Variants in ZMAT4 observed in about 807,000 individuals in gnomAD.
The protein encoded by ZMAT4 is zinc finger matrin-type 4, also known as zinc finger matrin-type protein 4.
ZMAT4 carries 17 observed loss-of-function variants against 28.7 expected under a neutral mutation model. The ratio of observed to expected loss-of-function variants is 0.59; its 90% confidence interval spans 0.41 to 0.89. The LOEUF (loss-of-function observed/expected upper bound fraction) is 0.89, where lower values mean the gene tolerates loss of function less well. Ranked by LOEUF, ZMAT4 falls within the 40% of genes least tolerant of loss-of-function variation. ZMAT4 has a pLI of 0.00. For synonymous variants in ZMAT4, 117 were observed against 109.2 expected (o/e 1.07, Z -0.44); for missense variants, 240 against 283.8 (o/e 0.85, Z 1.11).
intron 4 of ZMAT4, among the ~76,000 whole-genome samples, chr8:40,675,721 C>G (rs17640981): frequency 0.13 from 19,775 of 152,140 alleles, 1,304 homozygotes; most frequent in East Asian, 0.18. Context: ...CTTTTGGTGA[C>G]ATGGGTTGCA....
chr8:40,734,548 G>A (rs1026976419), intron 3 of ZMAT4, among the ~76,000 whole-genome samples: 1 of 152,220 alleles, frequency 6.6e-6, no homozygotes, highest in Non-Finnish European at 1.5e-5. Flanking sequence ...AGCGGAGAGA[G>A]AGAGAGTAGA....
At chr8:40,889,210 A>T (rs1046864456) in intron 1 of ZMAT4, among the ~76,000 whole-genome samples, 1 of 152,218 alleles carries the variant, frequency 6.6e-6, no homozygotes, top group South Asian at 2.1e-4. Context: ...AGGAACAAGG[A>T]TATTCCCTGC....
chr8:40,837,462 G>A (rs11989525), intron 1 of ZMAT4, among the ~76,000 whole-genome samples: 3,329 of 152,270 alleles, frequency 0.022, 128 homozygotes, highest in African/African-American at 0.077. Context: ...TATCCAGCAT[G>A]ACCTTAACTA....
At chr8:40,767,113 G>A (rs1220069415) in intron 3 of ZMAT4, among the ~76,000 whole-genome samples, 3 of 152,098 alleles carry the variant, frequency 2.0e-5, no homozygotes, top group Admixed American at 6.5e-5. Context: ...CCCTCAAAGC[G>A]ACTTTATAAT....
At chr8:40,636,963 T>G (rs1806814589) in intron 5 of ZMAT4, among the ~76,000 whole-genome samples, 1 of 152,294 alleles carries the variant, frequency 6.6e-6, no homozygotes, top group East Asian at 1.9e-4. Context: ...ACTAGGTATC[T>G]TTAAAAAGTA....
intron 5 of ZMAT4, among the ~76,000 whole-genome samples, chr8:40,615,296 C>G (rs774783658): frequency 1.3e-5 from 2 of 152,210 alleles, no homozygotes; most frequent in Non-Finnish European, 2.9e-5. Context: ...GAGAGATCCA[C>G]TGTTAGTCTG....
intron 3 of ZMAT4, among the ~76,000 whole-genome samples, chr8:40,737,824 T>A (rs186929807): frequency 1.3e-5 from 2 of 151,496 alleles, no homozygotes; most frequent in Admixed American, 6.6e-5. Flanking sequence ...TTTTTTTTTT[T>A]AATGAAGAGG....
At chr8:40,838,486 G>A (rs1174574837) in intron 1 of ZMAT4, among the ~76,000 whole-genome samples, 1 of 152,184 alleles carries the variant, frequency 6.6e-6, no homozygotes, top group African/African-American at 2.4e-5. Flanking sequence ...GGGACTACAA[G>A]TGTGTGCCAC....
chr8:40,646,946 T>C (rs1198876294), intron 5 of ZMAT4, among the ~76,000 whole-genome samples: 1 of 152,228 alleles, frequency 6.6e-6, no homozygotes, highest in Non-Finnish European at 1.5e-5. Context: ...AAATCATATG[T>C]TTGGCCATAA....
At chr8:40,725,361 G>C (rs1712534101) in intron 3 of ZMAT4, among the ~76,000 whole-genome samples, 1 of 152,144 alleles carries the variant, frequency 6.6e-6, no homozygotes, top group Admixed American at 6.6e-5. Context: ...TTCCTGAGGG[G>C]CCTTCCTCAG....
At chr8:40,652,068 CA>C (rs1807690293) in intron 5 of ZMAT4, among the ~76,000 whole-genome samples, 1 of 71,780 alleles carries the variant, frequency 1.4e-5, no homozygotes, top group Non-Finnish European at 3.3e-5. Flanking sequence ...CAACAAAAGC[CA>C]AAATTGACAA....
intron 1 of ZMAT4, among the ~76,000 whole-genome samples, chr8:40,881,594 G>GAAAGAAAGAAAGAAAGAAAGA (rs1257055951): frequency 4.6e-5 from 5 of 108,520 alleles, no homozygotes; most frequent in Non-Finnish European, 9.9e-5. Context: ...AAGAAAGAAA[G>GAAAGAAAGAAAGAAAGAAAGA]AAAGAAAAGA....
chr8:40,559,099 A>G (rs1803644553), intron 6 of ZMAT4, among the ~76,000 whole-genome samples: 1 of 152,184 alleles, frequency 6.6e-6, no homozygotes, highest in Non-Finnish European at 1.5e-5. Context: ...CAGTGTTGAA[A>G]CAATTGCAGC....
chr8:40,651,687 G>C (rs962191776), intron 5 of ZMAT4, among the ~76,000 whole-genome samples: 1 of 151,764 alleles, frequency 6.6e-6, no homozygotes, highest in African/African-American at 2.4e-5. Context: ...ATACTACAAG[G>C]CTACAGTAAC....
intron 2 of ZMAT4, among the ~76,000 whole-genome samples, chr8:40,790,655 A>G (rs1814285875): frequency 6.6e-6 from 1 of 152,208 alleles, no homozygotes; most frequent in Admixed American, 6.5e-5. Context: ...AAATTGAGAG[A>G]TATATTAATA....
chr8:40,752,023 C>T (rs1159485714), intron 3 of ZMAT4, among the ~76,000 whole-genome samples: 1 of 152,076 alleles, frequency 6.6e-6, no homozygotes, highest in Non-Finnish European at 1.5e-5. Flanking sequence ...GGTGGACCCT[C>T]CAGGAGTTAC....
intron 2 of ZMAT4, among the ~76,000 whole-genome samples, chr8:40,797,143 C>A (rs1814632823): frequency 6.6e-6 from 1 of 152,166 alleles, no homozygotes; most frequent in African/African-American, 2.4e-5. Context: ...ACCACTGAAC[C>A]CTCATTCACT....
chr8:40,580,132 C>T (rs1014821502), intron 6 of ZMAT4, among the ~76,000 whole-genome samples: 4 of 151,400 alleles, frequency 2.6e-5, no homozygotes, highest in African/African-American at 7.3e-5. Flanking sequence ...CCTGCCTCAG[C>T]CTCCTGAGTA....
chr8:40,829,944 A>G (rs1327710797), intron 1 of ZMAT4, among the ~76,000 whole-genome samples: 1 of 152,158 alleles, frequency 6.6e-6, no homozygotes, highest in Non-Finnish European at 1.5e-5. Flanking sequence ...ATAAGGGGGA[A>G]GGCAGAAAAA....
Sources: allele counts gnomAD v4.1 joint callset (sites outside exome capture counted in the v4.1 genomes callset), GRCh38; gene constraint gnomAD v4.1.1; transcripts MANE v1.5; gene names NCBI Gene and HGNC (gene_info 2026-07-23, HGNC 2026-07-21).